Variants in ACSL6 observed in about 807,000 individuals in gnomAD.
ACSL6 encodes the protein long-chain-fatty-acid--CoA ligase 6.
ACSL6 carries 47 observed loss-of-function variants against 98.2 expected under a neutral mutation model. That is an observed-to-expected ratio of 0.48 (90% confidence interval 0.38 to 0.61). ACSL6 has a LOEUF of 0.61. Ranked by LOEUF, ACSL6 falls within the 20% of genes least tolerant of loss-of-function variation. ACSL6 has a pLI of 0.00. For synonymous variants in ACSL6, 362 were observed against 336.9 expected (o/e 1.07, Z -0.82); for missense variants, 761 against 913.4 (o/e 0.83, Z 2.15).
At chr5:131,965,051 C>G (rs910897896) in intron 17 of ACSL6, among the ~76,000 whole-genome samples, 14 of 152,328 alleles carry the variant, frequency 9.2e-5, no homozygotes, top group African/African-American at 3.4e-4. Flanking sequence ...AGGGCACTCA[C>G]TGGAGATACA....
At chr5:131,993,943 A>G in intron 2 of ACSL6, 88 bp downstream of exon 2, 1 of 1,398,736 alleles carries the variant, frequency 7.1e-7, no homozygotes, top group Non-Finnish European at 9.9e-7. Flanking sequence ...ATGTGAGGTC[A>G]AATAAGCCAC....
At chr5:131,986,956 TAC>T (rs1420496974) in intron 7 of ACSL6, 102 bp from the exon 8 acceptor site, 2,563 of 1,019,950 alleles carry the variant, frequency 2.5e-3, no homozygotes, top group Non-Finnish European at 2.9e-3. Flanking sequence ...CACATACACA[TAC>T]ACACACACAC....
Position 132,010,807 on chromosome 5 carries a change from C to T in ACSL6, c.49+698G>A, listed in dbSNP as rs192385382. ...GCAGATAAAAGGGCCTGTGGTGAGACTCCAGGTGTGGGTGTATGGGGGGTT... is the reference window on the plus strand; with the variant it reads ...GCAGATAAAAGGGCCTGTGGTGAGATTCCAGGTGTGGGTGTATGGGGGGTT... On this transcript the variant is annotated intron_variant, in intron 1 of 20. Transcript: ENST00000651883. 4.7e-3 allele frequency among the ~76,000 whole-genome samples: 710 copies of T among 152,230 alleles called. 5 individuals are homozygous for T. Among genetic ancestry groups the T allele is most frequent in the African/African-American group, 8.4e-3 (349 of 41,524 alleles).
intron 7 of ACSL6, among the ~76,000 whole-genome samples, chr5:131,987,706 G>C (rs1754272915): frequency 6.6e-6 from 1 of 152,234 alleles, no homozygotes; most frequent in African/African-American, 2.4e-5. Context: ...TATGTCTGTA[G>C]TCCTCAGACA....
intron 17 of ACSL6, among the ~76,000 whole-genome samples, chr5:131,965,565 C>CA (rs1269222680): frequency 6.6e-6 from 1 of 151,990 alleles, no homozygotes; most frequent in African/African-American, 2.4e-5. Context: ...ATTAAAAATA[C>CA]AAAAAAGTTA....
chr5:131,957,731 A>C (rs980883235), intron 20 of ACSL6, among the ~76,000 whole-genome samples: 8 of 152,212 alleles, frequency 5.3e-5, no homozygotes, highest in African/African-American at 1.4e-4. Flanking sequence ...ACAAGCTGAC[A>C]ATGGATTATG....
rs1184353518 is a variant in ACSL6, at chr5:131,959,780, T to C, written c.1960-173A>G. 13 of 639,488 alleles carry C rather than the reference T, an allele frequency of 2.0e-5. No homozygotes were observed. The Admixed American group carries it at 3.3e-4, about 16-fold the overall frequency. 39.6% of individuals were successfully genotyped at this position (639,488 alleles called of 1,614,324 possible). On this transcript the variant is annotated intron_variant, in intron 19 of 20. Transcript: ENST00000651883. ...GCAACACTCCAATTACCACCTCTCA[T>C]CTGGCAAGTAAGTACCTGAAATGGC...
chr5:131,986,618 C>T (rs1319093638), intron 8 of ACSL6, among the ~76,000 whole-genome samples: 1 of 152,172 alleles, frequency 6.6e-6, no homozygotes, highest in Admixed American at 6.5e-5. Context: ...TTTCTCCCTC[C>T]CAAATACCTG....
At chr5:131,955,736 T>G (rs1752370199) in intron 20 of ACSL6, among the ~76,000 whole-genome samples, 1 of 152,230 alleles carries the variant, frequency 6.6e-6, no homozygotes, top group Non-Finnish European at 1.5e-5. Flanking sequence ...TCTACTTAAA[T>G]AAGTTTGGAA....
chr5:131,963,492 A>C (rs954239911), intron 17 of ACSL6, among the ~76,000 whole-genome samples: 42 of 152,322 alleles, frequency 2.8e-4, no homozygotes, highest in African/African-American at 1.0e-3. Flanking sequence ...TACCCTTGGA[A>C]TGCTTCAAAA....
intron 11 of ACSL6, 94 bp from the exon 12 acceptor site, chr5:131,973,494 C>T: frequency 8.8e-6 from 12 of 1,362,080 alleles, no homozygotes; most frequent in Non-Finnish European, 1.2e-5. Flanking sequence ...ACATGGAGGG[C>T]ACCCATGACC....
intron 10 of ACSL6, chr5:131,975,957 T>C (rs1753591799): frequency 1.0e-6 from 1 of 985,336 alleles, no homozygotes; most frequent in African/African-American, 1.7e-5. Flanking sequence ...ACTAAGTGTT[T>C]GGGGCACACA....
At chr5:131,975,171 G>A (rs1753551463) in intron 10 of ACSL6, 2 of 1,385,382 alleles carry the variant, frequency 1.4e-6, no homozygotes, top group Middle Eastern at 2.7e-4. Context: ...AGAGGGAGGG[G>A]GAAGGTGCAG....
At chr5:131,976,851 CT>C in intron 9 of ACSL6, 130 bp from the exon 10 acceptor site, 1 of 735,276 alleles carries the variant, frequency 1.4e-6, no homozygotes, top group Non-Finnish European at 2.4e-6. Context: ...CTTCAGCCAC[CT>C]TTAGACTTAC....
chr5:131,984,717 C>G (rs1754078132), intron 9 of ACSL6: 1 of 154,094 alleles, frequency 6.5e-6, no homozygotes, highest in African/African-American at 2.4e-5. Flanking sequence ...CCCCAGGAAG[C>G]CTTCCTTGAT....
In ACSL6 at chr5:132,011,285, C is replaced by T. The variant is rs929875606; in HGVS notation, c.49+220G>A. On this transcript the variant is annotated intron_variant, in intron 1 of 20. Transcript: ENST00000651883. This position sits in a 1 kb window ranked among gnomAD's most constrained non-coding sequence, Gnocchi z 5.4. Reference sequence around the variant, plus strand: ...GGGTCGCAGAGAGCAAGCCCTATATCTCCCTCCGCAGACCCAGGTGCTCCC... The same window carrying T: ...GGGTCGCAGAGAGCAAGCCCTATATTTCCCTCCGCAGACCCAGGTGCTCCC... Among the ~76,000 whole-genome samples the T allele has an allele frequency of 2.0e-5, 3 of 152,152 alleles. No homozygotes were observed. The highest frequency in any genetic ancestry group is 4.4e-5 in the Non-Finnish European group (3 of 68,016).
At chr5:131,976,965 G>C (rs1015815705) in intron 9 of ACSL6, among the ~76,000 whole-genome samples, 3 of 152,234 alleles carry the variant, frequency 2.0e-5, no homozygotes, top group Non-Finnish European at 4.4e-5. Flanking sequence ...GGCTGCACAG[G>C]AGGGGTGCCT....
chr5:131,988,738 T>G, intron 6 of ACSL6, 67 bp downstream of exon 6: 2 of 1,574,752 alleles, frequency 1.3e-6, no homozygotes, highest in Non-Finnish European at 1.7e-6. Flanking sequence ...CAGCATAACC[T>G]GAGAAGCTGG....
rs1753307873 is a variant in ACSL6, at chr5:131,971,556, C to T, written c.1428G>A (p.Gly476=). The T allele has an allele frequency of 1.9e-6, 3 of 1,607,618 alleles. No homozygotes were observed. Among genetic ancestry groups the T allele is most frequent in the Non-Finnish European group, 1.7e-6 (2 of 1,176,586 alleles). The change falls in exon 14 of 21, where the codon GGG becomes GGA. Residue 476 remains glycine, a synonymous_variant. Coordinates refer to ENST00000651883, the MANE Select transcript of ACSL6 (RefSeq NM_001009185.3). ...TVLGFLRAAL[G]CQVYEGYGQT... ...GGACACACAATGACAATACCTGGCA[C>T]CCTAGAGCTGCCCGGAGAAATCCCA... is the stretch of plus-strand genomic sequence containing the variant.
Sources: allele counts gnomAD v4.1 joint callset (sites outside exome capture counted in the v4.1 genomes callset), GRCh38; gene constraint gnomAD v4.1.1; non-coding constraint Gnocchi (gnomAD v3.1); transcripts MANE v1.5; gene names NCBI Gene and HGNC (gene_info 2026-07-23, HGNC 2026-07-21).